FBXL17: variants seen among roughly 807,000 people sequenced by gnomAD.
FBXL17 encodes F-box and leucine rich repeat protein 17.
FBXL17 carries 22 observed loss-of-function variants against 66.2 expected under a neutral mutation model. The ratio of observed to expected loss-of-function variants is 0.33; its 90% CI spans 0.24 to 0.47. The LOEUF (loss-of-function observed/expected upper bound fraction) is 0.47, where lower values mean the gene tolerates loss of function less well. Ranked by LOEUF, FBXL17 falls within the 20% of genes least tolerant of loss-of-function variation. The pLI, the probability that FBXL17 is intolerant of heterozygous loss-of-function variation, is 1.00. For synonymous variants in FBXL17, 474 were observed against 400.5 expected (o/e 1.18, Z -2.19); for missense variants, 878 against 948.2 (o/e 0.93, Z 0.97).
chr5:108,308,611 C>A (rs2150193443), intron 4 of FBXL17, among the ~76,000 whole-genome samples: 1 of 152,132 alleles, frequency 6.6e-6, no homozygotes, highest in Admixed American at 6.6e-5. Flanking sequence ...AGCGATTATT[C>A]CACAAAATAG....
intron 7 of FBXL17, among the ~76,000 whole-genome samples, chr5:107,918,396 G>C (rs1462047342): frequency 6.6e-6 from 1 of 152,184 alleles, no homozygotes; most frequent in Non-Finnish European, 1.5e-5. Context: ...CAAATGTACA[G>C]AGAGTTTTTA....
chr5:108,326,060 A>G (rs948229984), intron 4 of FBXL17, among the ~76,000 whole-genome samples: 15 of 152,176 alleles, frequency 9.9e-5, no homozygotes, highest in African/African-American at 3.4e-4. Flanking sequence ...TAAACAAACA[A>G]TAACAGAGAA....
chr5:108,299,225 G>A, intron 4 of FBXL17: 1 of 985,076 alleles, frequency 1.0e-6, no homozygotes, highest in South Asian at 4.7e-5. Flanking sequence ...ATACATACAG[G>A]ATAAATTCCC....
At chr5:108,285,175 T>A (rs1449020791) in intron 4 of FBXL17, among the ~76,000 whole-genome samples, 1 of 151,962 alleles carries the variant, frequency 6.6e-6, no homozygotes, top group Non-Finnish European at 1.5e-5. Context: ...CAGGCTTCAC[T>A]TCTAATTCTA....
At chr5:107,928,229 A>C (rs1750599359) in intron 7 of FBXL17, among the ~76,000 whole-genome samples, 1 of 152,080 alleles carries the variant, frequency 6.6e-6, no homozygotes. Context: ...CTCAAGCTCT[A>C]AGGAAAGGTT....
intron 6 of FBXL17, among the ~76,000 whole-genome samples, chr5:108,066,133 C>A (rs1323258191): frequency 6.6e-6 from 1 of 152,050 alleles, no homozygotes; most frequent in African/African-American, 2.4e-5. Flanking sequence ...ATGTCAGAAT[C>A]CTAACCCAAA....
At chr5:108,137,917 T>A (rs144339540) in intron 6 of FBXL17, among the ~76,000 whole-genome samples, 95 of 152,272 alleles carry the variant, frequency 6.2e-4, no homozygotes, top group African/African-American at 2.3e-3. Context: ...GCACAACACT[T>A]CCAAGATAAA....
chr5:107,880,582 G>T, intron 8 of FBXL17: 2 of 1,037,500 alleles, frequency 1.9e-6, no homozygotes, highest in Non-Finnish European at 2.3e-6. Context: ...GTCCCGAATG[G>T]CCAGAATACA....
chr5:108,016,859 T>A (rs1404910709), intron 7 of FBXL17, among the ~76,000 whole-genome samples: 7 of 151,934 alleles, frequency 4.6e-5, no homozygotes, highest in Admixed American at 1.3e-4. Flanking sequence ...AGCTCACTGC[T>A]ACCTCTGCCT....
At chr5:108,247,180 T>C (rs1756139022) in intron 4 of FBXL17, among the ~76,000 whole-genome samples, 1 of 152,140 alleles carries the variant, frequency 6.6e-6, no homozygotes, top group Non-Finnish European at 1.5e-5. Context: ...TATGTAAAAA[T>C]TGCCCTGGCT....
At chr5:107,971,030 T>G (rs1157991130) in intron 7 of FBXL17, among the ~76,000 whole-genome samples, 1 of 152,194 alleles carries the variant, frequency 6.6e-6, no homozygotes, top group African/African-American at 2.4e-5. Context: ...TTTGCAACAA[T>G]GTACAGTCAG....
intron 4 of FBXL17, among the ~76,000 whole-genome samples, chr5:108,246,733 A>G (rs553186747): frequency 2.6e-5 from 4 of 152,248 alleles, no homozygotes; most frequent in Non-Finnish European, 5.9e-5. Flanking sequence ...CACATAATAT[A>G]AACTTGGTAA....
Position 107,861,607 on chromosome 5 carries a change from G to C in FBXL17, c.*113C>G. 1.0e-6 allele frequency: 1 copy of C among 995,270 alleles called. No homozygotes were observed. The highest frequency in any genetic ancestry group is 1.3e-6 in the Non-Finnish European group (1 of 746,722). 61.7% of individuals were successfully genotyped at this position (995,270 alleles called of 1,614,324 possible). On this transcript the variant is annotated 3_prime_UTR_variant, in exon 9 of 9. Transcript: ENST00000542267. The stretch of plus-strand genomic sequence containing the variant: ...AAACAAGACACAAATACACATACTT[G>C]AACACACACAGACAGGTGACAGTTA...
chr5:108,242,485 G>A (rs1580678759), intron 4 of FBXL17, among the ~76,000 whole-genome samples: 1 of 151,960 alleles, frequency 6.6e-6, no homozygotes, highest in Non-Finnish European at 1.5e-5. Context: ...GCCTCCAAAA[G>A]TGCTCGGATT....
At position 107,969,071 on chromosome 5, in the gene FBXL17, G is replaced by C. The variant is rs117720934; in HGVS notation, c.1822+51854C>G. Among the ~76,000 whole-genome samples, 1,303 of 152,228 alleles carry C rather than the reference G, an allele frequency of 8.6e-3. 39 individuals are homozygous for C. Among genetic ancestry groups the C allele is most frequent in the Admixed American group, 0.058 (881 of 15,288 alleles). On this transcript the variant is annotated intron_variant, in intron 7 of 8. Coordinates refer to ENST00000542267, the MANE Select transcript of FBXL17 (RefSeq NM_001163315.3). ...CAAAGTTTTACTGGAAATCAGCCAT[G>C]TTCATCACTTATATATTGTTTATGG...
At chr5:108,271,104 T>C (rs1200911425) in intron 4 of FBXL17, among the ~76,000 whole-genome samples, 1 of 146,580 alleles carries the variant, frequency 6.8e-6, no homozygotes, top group Non-Finnish European at 1.5e-5. Flanking sequence ...AAAAAAGAAA[T>C]AGCAACAGAA....
intron 5 of FBXL17, among the ~76,000 whole-genome samples, chr5:108,219,141 T>C (rs1225966454): frequency 6.6e-6 from 1 of 152,230 alleles, no homozygotes; most frequent in Non-Finnish European, 1.5e-5. Context: ...GTTTTTAAAA[T>C]GTGGGTAATA....
At chr5:108,227,843 AG>A (rs928171145) in intron 4 of FBXL17, among the ~76,000 whole-genome samples, 1 of 152,318 alleles carries the variant, frequency 6.6e-6, no homozygotes, top group Non-Finnish European at 1.5e-5. Context: ...AGAATTTTTA[AG>A]GCACTAAAAT....
At chr5:108,009,258 G>C (rs1754062376) in intron 7 of FBXL17, among the ~76,000 whole-genome samples, 1 of 9,310 alleles carries the variant, frequency 1.1e-4, no homozygotes, top group African/African-American at 1.8e-4. Context: ...GTTGTTCCCT[G>C]TTTTATATAT....
Sources: gnomAD v4.1 joint callset for allele counts (sites outside exome capture counted in the v4.1 genomes callset) on GRCh38, gnomAD v4.1.1 for gene constraint, MANE v1.5 for transcripts, NCBI Gene and HGNC (gene_info 2026-07-23, HGNC 2026-07-21) for gene names.